The following SORCS2 variants were observed in gnomAD, a reference collection of about 807,000 sequenced individuals.
The protein encoded by SORCS2 is VPS10 domain-containing receptor SorCS2.
In SORCS2, 100 loss-of-function variants were observed where a neutral mutation model predicts 141.6. The observed-to-expected ratio is 0.71, with a 90% CI of 0.60 to 0.83. The LOEUF (loss-of-function observed/expected upper bound fraction) is 0.83, where lower values mean the gene tolerates loss of function less well. Among genes scored for constraint, SORCS2 ranks in the 40% least tolerant of loss-of-function variants. SORCS2 has a pLI of 0.00. For missense variants in SORCS2, 1,646 were observed against 1,560.2 expected, an observed-to-expected ratio of 1.05 and a Z score of -0.93; for synonymous variants, 789 against 676.9, an observed-to-expected ratio of 1.17 and a Z score of -2.57.
chr4:7,654,188 A>G lies in SORCS2; in HGVS notation c.868A>G (p.Thr290Ala). 1 of 1,580,364 alleles carries G rather than the reference A, an allele frequency of 6.3e-7. No individual in the cohort carries two copies. The highest frequency in any genetic ancestry group is 1.2e-5 in the South Asian group (1 of 86,440). Residue 290 changes from threonine to alanine, a missense_variant, in exon 5 of 27, where the codon ACC becomes GCC. Physicochemically the swap from Thr to Ala is moderately conservative, Grantham distance 58. Coordinates refer to ENST00000507866, the MANE Select transcript of SORCS2 (RefSeq NM_020777.3). ...KKWTLLQERVTKDHVFWSVSG... is the reference protein window; with the variant it reads ...KKWTLLQERVAKDHVFWSVSG... Reference sequence around the variant, plus strand: ...GTGGACACTTCTGCAAGAGCGAGTGACCAAAGACCACGTGTTCTGGTGAGA... The same window carrying G: ...GTGGACACTTCTGCAAGAGCGAGTGGCCAAAGACCACGTGTTCTGGTGAGA...
chr4:7,217,013 T>C (rs1376561547), intron 1 of SORCS2, among the ~76,000 whole-genome samples: 1 of 152,200 alleles, frequency 6.6e-6, no homozygotes, highest in Non-Finnish European at 1.5e-5. Flanking sequence ...GCTCTTCCAA[T>C]CCTCCGACCG....
rs954708745 is a variant in SORCS2 at position 7,648,167 on chromosome 4, G to A, written c.814-5967G>A. 1.5e-4 allele frequency among the ~76,000 whole-genome samples: 22 copies of A among 148,564 alleles called. No homozygotes were observed. The highest frequency in any genetic ancestry group is 1.3e-3 in the Admixed American group (19 of 14,636). On this transcript the variant is annotated intron_variant, in intron 4 of 26. Coordinates refer to ENST00000507866, the MANE Select transcript of SORCS2 (RefSeq NM_020777.3). This position sits in a 1 kb window ranked among gnomAD's most constrained non-coding sequence, Gnocchi z 4.2. The stretch of plus-strand genomic sequence containing the variant: ...GACCTGGTGGATGGTGGGAAGGAGG[G>A]AGGCCATTTACTGAGACCGCAGAGG...
chr4:7,474,268 G>C (rs1343215594), intron 2 of SORCS2, among the ~76,000 whole-genome samples: 1 of 152,250 alleles, frequency 6.6e-6, no homozygotes, highest in Non-Finnish European at 1.5e-5. Context: ...TCCAGAAACA[G>C]CAGGCTGGGC....
At chr4:7,704,088 G>A (rs1008382160) in intron 13 of SORCS2, 89 bp from the exon 14 acceptor site, 33 of 1,190,970 alleles carry the variant, frequency 2.8e-5, no homozygotes, top group Admixed American at 1.2e-4. Context: ...TGCAGCCTCC[G>A]CCCCTCCAGC....
chr4:7,524,652 C>T (rs953108910), intron 2 of SORCS2, among the ~76,000 whole-genome samples: 9 of 151,682 alleles, frequency 5.9e-5, no homozygotes, highest in Admixed American at 3.9e-4. Flanking sequence ...AGATAAGCAG[C>T]GCCGCCGCCC....
chr4:7,421,933 C>T (rs943579768), intron 2 of SORCS2, among the ~76,000 whole-genome samples: 2 of 147,336 alleles, frequency 1.4e-5, no homozygotes, highest in Admixed American at 8.0e-5. Context: ...GGGCATCACG[C>T]TCCCTCCCCC....
intron 14 of SORCS2, among the ~76,000 whole-genome samples, chr4:7,711,959 G>A (rs1725849166): frequency 6.6e-6 from 1 of 152,102 alleles, no homozygotes; most frequent in South Asian, 2.1e-4. Flanking sequence ...TGGGCTGAGG[G>A]TCCTCAGCCA....
intron 3 of SORCS2, among the ~76,000 whole-genome samples, chr4:7,588,001 T>A (rs980025921): frequency 1.3e-5 from 2 of 152,206 alleles, no homozygotes; most frequent in Admixed American, 1.3e-4. Context: ...AAAGGATTAA[T>A]CAGAACACCC....
Position 7,286,073 on chromosome 4 carries a change from C to T in SORCS2, c.480+92947C>T, listed in dbSNP as rs547125977. Among the ~76,000 whole-genome samples the T allele has an allele frequency of 4.6e-5, 7 of 152,322 alleles. No individual in the cohort carries two copies. The East Asian group carries it at 5.8e-4, about 13-fold the overall frequency. ...CCTGCCTGCCTCCCATCCATCTTCC[C>T]GGTGCCTCTTTGTGGTGGGTGTAAC... On this transcript the variant is annotated intron_variant, in intron 1 of 26. Coordinates refer to ENST00000507866, the MANE Select transcript of SORCS2 (RefSeq NM_020777.3). The surrounding 1 kb of genome is among the most constrained non-coding windows in gnomAD (Gnocchi z 4.1).
At chr4:7,425,399 T>C (rs959020590) in intron 2 of SORCS2, among the ~76,000 whole-genome samples, 2 of 152,212 alleles carry the variant, frequency 1.3e-5, no homozygotes, top group African/African-American at 2.4e-5. Flanking sequence ...TCGCTTCTGC[T>C]GTCCTGGTTT....
intron 4 of SORCS2, among the ~76,000 whole-genome samples, chr4:7,649,046 G>C (rs1721264597): frequency 6.6e-6 from 1 of 152,158 alleles, no homozygotes; most frequent in Admixed American, 6.5e-5. Context: ...CTGGCACCTG[G>C]GCCCTGAGCA....
At chr4:7,302,790 C>CGT (rs1560176462) in intron 1 of SORCS2, among the ~76,000 whole-genome samples, 25 of 147,488 alleles carry the variant, frequency 1.7e-4, no homozygotes, top group Middle Eastern at 6.8e-3. Context: ...TGTGTGTGTG[C>CGT]GCGCGCGTGT....
At chr4:7,242,489 C>G (rs555883211) in intron 1 of SORCS2, among the ~76,000 whole-genome samples, 1 of 152,226 alleles carries the variant, frequency 6.6e-6, no homozygotes, top group East Asian at 1.9e-4. Context: ...TAGTGTGAGC[C>G]ACTGCACTGG....
rs931940325 is a variant in SORCS2 at position 7,480,759 on chromosome 4, G to A, written c.549-50771G>A. The stretch of plus-strand genomic sequence containing the variant: ...CCGTGCAGACGCATCCCCTCCACCC[G>A]CCCCAGGCTCCCCAGCTCGCCAGGG... On this transcript the variant is annotated intron_variant, in intron 2 of 26. Coordinates refer to ENST00000507866, the MANE Select transcript of SORCS2 (RefSeq NM_020777.3). Among the ~76,000 whole-genome samples the A allele has an allele frequency of 3.9e-5, 6 of 152,176 alleles. No homozygotes were observed. In the South Asian group the frequency reaches 6.2e-4, roughly 16 times the overall value.
intron 3 of SORCS2, among the ~76,000 whole-genome samples, chr4:7,610,435 G>T (rs2108808349): frequency 6.6e-6 from 1 of 152,268 alleles, no homozygotes; most frequent in African/African-American, 2.4e-5. Context: ...TACCTCCACT[G>T]TCACTCCAGG....
chr4:7,276,430 G>T (rs7660780), intron 1 of SORCS2, among the ~76,000 whole-genome samples: 7 of 152,098 alleles, frequency 4.6e-5, no homozygotes, highest in Non-Finnish European at 8.8e-5. Flanking sequence ...GCTGGAACGG[G>T]CTTCATGTTC....
At chr4:7,249,739 A>C (rs1713352688) in intron 1 of SORCS2, among the ~76,000 whole-genome samples, 1 of 152,188 alleles carries the variant, frequency 6.6e-6, no homozygotes, top group African/African-American at 2.4e-5. Context: ...GTGGAGCTGG[A>C]TTCAAACACA....
chr4:7,287,743 G>A (rs893030132), intron 1 of SORCS2, among the ~76,000 whole-genome samples: 1 of 152,196 alleles, frequency 6.6e-6, no homozygotes, highest in African/African-American at 2.4e-5. Flanking sequence ...AGTGGCTCTG[G>A]TGTATTGATC....
intron 2 of SORCS2, among the ~76,000 whole-genome samples, chr4:7,502,263 A>T (rs1300614801): frequency 6.6e-6 from 1 of 152,190 alleles, no homozygotes; most frequent in Admixed American, 6.5e-5. Context: ...AAGTCCTTGG[A>T]AGCCAGCACG....
Sources: allele counts gnomAD v4.1 joint callset (sites outside exome capture counted in the v4.1 genomes callset), GRCh38; gene constraint gnomAD v4.1.1; non-coding constraint Gnocchi (gnomAD v3.1); transcripts MANE v1.5; gene names NCBI Gene and HGNC (gene_info 2026-07-23, HGNC 2026-07-21).